Variants in GSE1 observed in about 807,000 individuals in gnomAD.
GSE1 encodes the protein Gse1 coiled-coil protein, also known as genetic suppressor element 1.
GSE1 carries 32 observed loss-of-function variants against 112.6 expected under a neutral mutation model. That is an observed-to-expected ratio of 0.28 (90% confidence interval 0.21 to 0.38). The LOEUF is 0.38. Ranked by LOEUF, GSE1 falls within the 10% of genes least tolerant of loss-of-function variation. The probability of loss-of-function intolerance (pLI) is 1.00; values close to 1 mark genes in which losing one functional copy is unlikely to be tolerated. For missense variants in GSE1, 2,348 were observed against 1,699.2 expected (o/e 1.38, Z -6.71); for synonymous variants, 1,115 against 735.6 (o/e 1.52, Z -8.35).
intron 2 of GSE1, among the ~76,000 whole-genome samples, chr16:85,498,870 C>T (rs898805080): frequency 6.6e-6 from 1 of 152,238 alleles, no homozygotes. Context: ...AGTGGCAGGG[C>T]CATTGTGGTT....
chr16:85,655,594 T>A (rs1322775969), intron 5 of GSE1, 132 bp from the exon 6 acceptor site: 1 of 613,244 alleles, frequency 1.6e-6, no homozygotes, highest in African/African-American at 1.9e-5. Flanking sequence ...GGCATGGTCT[T>A]CATCCCCAGC....
intron 2 of GSE1, among the ~76,000 whole-genome samples, chr16:85,543,045 G>A (rs999378248): frequency 6.6e-6 from 1 of 152,092 alleles, no homozygotes; most frequent in Admixed American, 6.6e-5. Flanking sequence ...GACCAACATG[G>A]TGAAACTCCA....
chr16:85,600,942 G>A (rs2047437033), intron 1 of GSE1, among the ~76,000 whole-genome samples: 1 of 152,166 alleles, frequency 6.6e-6, no homozygotes, highest in Non-Finnish European at 1.5e-5. Flanking sequence ...GTGAGCGCCT[G>A]GAAGAAAGTG....
chr16:85,264,609 G>T (rs2144129422), intron 1 of GSE1, among the ~76,000 whole-genome samples: 1 of 152,306 alleles, frequency 6.6e-6, no homozygotes, highest in South Asian at 2.1e-4. Flanking sequence ...GGGGGTGGCT[G>T]CTCGGACTCT....
chr16:85,574,985 C>T (rs2046163329), intron 1 of GSE1, among the ~76,000 whole-genome samples: 1 of 152,202 alleles, frequency 6.6e-6, no homozygotes, highest in Non-Finnish European at 1.5e-5. Context: ...GCCCCCTTGC[C>T]CTGCCAGCGG....
chr16:85,644,195 C>T (rs775089787), intron 2 of GSE1, among the ~76,000 whole-genome samples: 2 of 152,090 alleles, frequency 1.3e-5, no homozygotes, highest in South Asian at 4.1e-4. Flanking sequence ...AAAAACTAGC[C>T]GGGCCTGGTG....
intron 2 of GSE1, 116 bp downstream of exon 2, chr16:85,634,248 G>C: frequency 1.4e-6 from 1 of 711,854 alleles, no homozygotes; most frequent in Non-Finnish European, 2.1e-6. Flanking sequence ...CACGCCGTGT[G>C]CTCTGCATGG....
chr16:85,223,891 G>A (rs1029963615), intron 1 of GSE1, among the ~76,000 whole-genome samples: 2 of 152,008 alleles, frequency 1.3e-5, no homozygotes, highest in East Asian at 1.9e-4. Flanking sequence ...CGGCGTGAGC[G>A]ACCTCATTTG....
rs143344022 is a variant in GSE1, at chr16:85,497,179, G to A, written c.2465-136735G>A. Among the ~76,000 whole-genome samples, 37 of 152,330 alleles carry A rather than the reference G, an allele frequency of 2.4e-4. No individual in the cohort carries two copies. In the East Asian group the frequency reaches 3.7e-3, roughly 15 times the overall value. On this transcript the variant is annotated intron_variant, in intron 2 of 2. Coordinates refer to the GSE1 transcript ENST00000637419. ...CTCCCAAAGTGCTGGGATTACAGGCGTGAGCCACCATGCCTGGCCCTGATC... is the reference window on the plus strand; with the variant it reads ...CTCCCAAAGTGCTGGGATTACAGGCATGAGCCACCATGCCTGGCCCTGATC...
chr16:85,177,365 C>T (rs912004346), intron 1 of GSE1, among the ~76,000 whole-genome samples: 1 of 152,236 alleles, frequency 6.6e-6, no homozygotes, highest in African/African-American at 2.4e-5. Context: ...GGCCCTCTTC[C>T]GCCTCAGGTC....
chr16:85,660,753 C>T (rs1338671451), intron 8 of GSE1, among the ~76,000 whole-genome samples: 1 of 151,936 alleles, frequency 6.6e-6, no homozygotes, highest in African/African-American at 2.4e-5. Context: ...GCCTCAGCCT[C>T]TGGAGTAGCT....
rs554207421 is a variant in GSE1, at chr16:85,550,899, C to G, written c.2465-83015C>G. Among the ~76,000 whole-genome samples, 211 of 152,344 alleles carry G rather than the reference C, an allele frequency of 1.4e-3. 1 individual carries two copies. Among genetic ancestry groups the G allele is most frequent in the African/African-American group, 5.0e-3 (206 of 41,588 alleles). ...CCTCCTGGGAAGCAGCCCAGCAGCC[C>G]CCAGCTTGTTTTCTCCCATTGAGAG... On this transcript the variant is annotated intron_variant, in intron 2 of 2. Coordinates refer to the GSE1 transcript ENST00000637419.
At chr16:85,516,908 C>T (rs1286225388) in intron 2 of GSE1, among the ~76,000 whole-genome samples, 2 of 151,974 alleles carry the variant, frequency 1.3e-5, no homozygotes, top group East Asian at 3.9e-4. Context: ...CGCCATTCTC[C>T]TGCCTCAGCC....
At chr16:85,607,595 C>A (rs2047766099), upstream of GSE1, among the ~76,000 whole-genome samples, 1 of 152,196 alleles carries the variant, frequency 6.6e-6, no homozygotes, top group African/African-American at 2.4e-5. Flanking sequence ...GGGCCTTAAC[C>A]CTTTCCTGTT....
intron 1 of GSE1, among the ~76,000 whole-genome samples, chr16:85,583,739 C>G (rs1410455701): frequency 6.6e-6 from 1 of 152,222 alleles, no homozygotes; most frequent in South Asian, 2.1e-4. Context: ...CACAAAAAAA[C>G]AAAAGAGGAG....
intron 1 of GSE1, among the ~76,000 whole-genome samples, chr16:85,277,252 C>T (rs971468053): frequency 2.0e-5 from 3 of 152,118 alleles, no homozygotes; most frequent in Non-Finnish European, 2.9e-5. Context: ...AGATTTCCTT[C>T]TGGGGTTCTG....
chr16:85,524,678 G>A (rs114996376), intron 2 of GSE1, among the ~76,000 whole-genome samples: 492 of 152,266 alleles, frequency 3.2e-3, no homozygotes, highest in African/African-American at 0.011. Context: ...GCATTCCTGG[G>A]CCAGGAAGCC....
chr16:85,529,711 G>A (rs1379085601), intron 2 of GSE1, among the ~76,000 whole-genome samples: 1 of 152,224 alleles, frequency 6.6e-6, no homozygotes, highest in Non-Finnish European at 1.5e-5. Flanking sequence ...TTTGGGGGTA[G>A]GCTAGGGGAG....
chr16:85,289,881 G>C (rs2045155832), intron 1 of GSE1, among the ~76,000 whole-genome samples: 2 of 152,154 alleles, frequency 1.3e-5, no homozygotes, highest in African/African-American at 4.8e-5. Flanking sequence ...AGAAGCCCCT[G>C]GTAGAGCTTC....
Sources: gnomAD v4.1 joint callset for allele counts (sites outside exome capture counted in the v4.1 genomes callset) on GRCh38, gnomAD v4.1.1 for gene constraint, MANE v1.5 for transcripts, NCBI Gene and HGNC (gene_info 2026-07-23, HGNC 2026-07-21) for gene names.